The following PCSK5 variants were observed in gnomAD, a reference collection of about 807,000 sequenced individuals.
PCSK5 encodes the protein proprotein convertase subtilisin/kexin type 5.
In PCSK5, 129 loss-of-function variants were observed where a neutral mutation model predicts 233.2. The ratio of observed to expected loss-of-function variants is 0.55; its 90% CI spans 0.48 to 0.64. PCSK5 has a LOEUF of 0.64. Ranked by LOEUF, PCSK5 falls within the 30% of genes least tolerant of loss-of-function variation. PCSK5 has a pLI of 0.00. For synonymous variants in PCSK5, 825 were observed against 879.2 expected, an observed-to-expected ratio of 0.94 and a Z score of 1.09; for missense variants, 2,076 against 2,430.1, an observed-to-expected ratio of 0.85 and a Z score of 3.06.
intron 30 of PCSK5, among the ~76,000 whole-genome samples, chr9:76,314,805 A>G: frequency 6.7e-6 from 1 of 149,232 alleles, no homozygotes; most frequent in Admixed American, 6.7e-5. Flanking sequence ...CCTGGCTTAT[A>G]TTTTTTTCTA....
At chr9:75,993,996 A>G (rs1289086089) in intron 3 of PCSK5, among the ~76,000 whole-genome samples, 1 of 152,214 alleles carries the variant, frequency 6.6e-6, no homozygotes, top group African/African-American at 2.4e-5. Flanking sequence ...GGTGCAGTGA[A>G]CAATTCTAAT....
intron 9 of PCSK5, among the ~76,000 whole-genome samples, chr9:76,125,139 A>G (rs1402376984): frequency 6.6e-6 from 1 of 152,016 alleles, no homozygotes; most frequent in African/African-American, 2.4e-5. Context: ...AAAACTGGCT[A>G]CAGAAAGGCT....
chr9:76,351,327 T>G (rs912789839), intron 36 of PCSK5, among the ~76,000 whole-genome samples: 1 of 151,874 alleles, frequency 6.6e-6, no homozygotes, highest in Non-Finnish European at 1.5e-5. Context: ...CAGCTAATGT[T>G]GGTCTTTTGC....
chr9:76,078,347 T>C (rs1830711089), intron 7 of PCSK5, among the ~76,000 whole-genome samples: 2 of 152,214 alleles, frequency 1.3e-5, no homozygotes, highest in South Asian at 4.1e-4. Flanking sequence ...ACAAATTCTT[T>C]CCCAAGACCC....
chr9:76,157,921 T>C (rs1350652518), intron 11 of PCSK5, among the ~76,000 whole-genome samples: 1 of 152,262 alleles, frequency 6.6e-6, no homozygotes, highest in East Asian at 1.9e-4. Context: ...ACTTCATGTA[T>C]GTTTTCCTCT....
rs1564041061 is a variant in PCSK5 at position 76,121,829 on chromosome 9, T to TC, written c.1209-12280_1209-12279insC. Reference sequence around the variant, plus strand: ...TCTTGTATTGGTTTTTTTTTTTTTTTTTTTTTTTTTTTGAGACGGAGTCTC... The same window carrying TC: ...TCTTGTATTGGTTTTTTTTTTTTTTTCTTTTTTTTTTTTGAGACGGAGTCTC... On this transcript the variant is annotated intron_variant, in intron 9 of 37. Coordinates refer to ENST00000674117, the MANE Select transcript of PCSK5 (RefSeq NM_001372043.1). Among the ~76,000 whole-genome samples the TC allele has an allele frequency of 9.6e-4, 43 of 44,730 alleles. 1 individual carries two copies. The highest frequency in any genetic ancestry group is 1.1e-3 in the Admixed American group (5 of 4,402). The allele number at this position is 44,730 out of a possible 152,430, so 29.3% of individuals were successfully genotyped here.
At chr9:76,096,840 A>C (rs1483311981) in intron 8 of PCSK5, among the ~76,000 whole-genome samples, 1 of 152,048 alleles carries the variant, frequency 6.6e-6, no homozygotes, top group Non-Finnish European at 1.5e-5. Flanking sequence ...ACCTCAAGTG[A>C]TCCTCCCGCC....
intron 5 of PCSK5, among the ~76,000 whole-genome samples, chr9:76,040,879 A>G (rs1370675188): frequency 1.3e-5 from 2 of 152,242 alleles, no homozygotes; most frequent in African/African-American, 2.4e-5. Flanking sequence ...TTGGTTATTC[A>G]TTAAAAATCT....
At chr9:76,121,896 T>C (rs1309011468) in intron 9 of PCSK5, among the ~76,000 whole-genome samples, 1 of 41,466 alleles carries the variant, frequency 2.4e-5, no homozygotes, top group East Asian at 8.1e-4. Context: ...GGATCTCGGC[T>C]CACTGCAAGC....
intron 32 of PCSK5, among the ~76,000 whole-genome samples, chr9:76,327,343 A>G (rs2997539): frequency 0.043 from 6,589 of 152,134 alleles, 163 homozygotes; most frequent in South Asian, 0.075. Context: ...CTGGGCTCAA[A>G]CAATCCATCC....
chr9:76,342,691 T>C (rs1381374129), intron 35 of PCSK5, among the ~76,000 whole-genome samples: 3 of 152,200 alleles, frequency 2.0e-5, no homozygotes, highest in Non-Finnish European at 2.9e-5. Flanking sequence ...TTTCCTGAGC[T>C]CCGGTTCCAT....
intron 24 of PCSK5, among the ~76,000 whole-genome samples, chr9:76,267,437 A>C (rs1827368307): frequency 6.6e-6 from 1 of 152,144 alleles, no homozygotes; most frequent in Admixed American, 6.5e-5. Context: ...GTGTAAACTT[A>C]ATCATACTGC....
chr9:76,151,245 C>A (rs1587690560), intron 10 of PCSK5, among the ~76,000 whole-genome samples: 3 of 152,308 alleles, frequency 2.0e-5, no homozygotes, highest in Admixed American at 2.0e-4. Flanking sequence ...GCAACAGCTG[C>A]AGGCAGCTCT....
chr9:76,042,800 A>G (rs1330164559), intron 5 of PCSK5, among the ~76,000 whole-genome samples: 3 of 152,214 alleles, frequency 2.0e-5, no homozygotes, highest in East Asian at 3.9e-4. Context: ...AAACTTACAT[A>G]AAGTATTAGC....
chr9:76,239,663 T>A (rs1404226888), intron 23 of PCSK5, among the ~76,000 whole-genome samples: 1 of 135,000 alleles, frequency 7.4e-6, no homozygotes, highest in Non-Finnish European at 1.5e-5. Flanking sequence ...ACCACCGCAC[T>A]CCAGCCTGGG....
chr9:76,339,707 G>T (rs1425121425), intron 35 of PCSK5, among the ~76,000 whole-genome samples: 1 of 152,018 alleles, frequency 6.6e-6, no homozygotes, highest in Non-Finnish European at 1.5e-5. Context: ...ACCACGCCTG[G>T]CTAATTTTTG....
rs372403397 is a variant in PCSK5, at chr9:76,193,154, C to A, written c.2626+3408C>A. The A allele has an allele frequency of 1.5e-5, 18 of 1,237,870 alleles. 1 individual carries two copies. The highest frequency in any genetic ancestry group is 9.5e-5 in the Admixed American group (4 of 41,942). 76.7% of individuals were successfully genotyped at this position (1,237,870 alleles called of 1,614,324 possible). On this transcript the variant is annotated intron_variant, in intron 20 of 37. Transcript: ENST00000674117. ...CAATTCCCCAAATCTGCCTCTCTGG[C>A]CAATCACAACCTTCTTCCATGTGTG...
rs1587349958 is a variant in PCSK5, at chr9:76,338,244, A to C, written c.4763A>C (p.Asn1588Thr). The change falls in exon 35 of 38, where the codon AAC (asparagine) becomes ACC (threonine). Residue 1588 changes from asparagine (N) to threonine (T), a missense_variant. Physicochemically the swap from Asn to Thr is moderately conservative, Grantham distance 65. This residue lies in a region of PCSK5 where 1,510 missense variants were observed against 1,538.1 expected (regional missense o/e 0.98). Transcript: ENST00000674117. ...LQCREGYYAD[N>T]STGRCERCNR... Reference sequence around the variant, plus strand: ...TTTGGTTTCAGATATTACGCAGACAACTCCACTGGCCGGTGTGAGAGGTGC... The same window carrying C: ...TTTGGTTTCAGATATTACGCAGACACCTCCACTGGCCGGTGTGAGAGGTGC... The C allele has an allele frequency of 6.2e-7, 1 of 1,611,674 alleles. No homozygotes were observed. The highest frequency in any genetic ancestry group is 1.1e-5 in the South Asian group (1 of 90,854).
chr9:76,303,060 A>AT (rs11409395), intron 28 of PCSK5, among the ~76,000 whole-genome samples: 74,579 of 149,666 alleles, frequency 0.5, 18,964 homozygotes, highest in East Asian at 0.84. Flanking sequence ...ACTTGTTGAG[A>AT]TTAAGTCCCC....
Sources: gnomAD v4.1 joint callset for allele counts (sites outside exome capture counted in the v4.1 genomes callset) on GRCh38, gnomAD v4.1.1 for gene constraint, gnomAD v4.1.1 regional missense constraint, MANE v1.5 for transcripts, NCBI Gene and HGNC (gene_info 2026-07-23, HGNC 2026-07-21) for gene names.